ZNF592: variants seen among roughly 807,000 people sequenced by gnomAD.
ZNF592 encodes zinc finger protein 592, also known as spinocerebellar ataxia, autosomal recessive 5.
A neutral mutation model predicts 80.3 loss-of-function variants in ZNF592; 11 were observed. The ratio of observed to expected loss-of-function variants is 0.14; its 90% CI spans 0.09 to 0.23. The LOEUF is 0.23. ZNF592 is among the 10% of genes least tolerant of loss of function. ZNF592 has a pLI of 1.00. For synonymous variants in ZNF592, 646 were observed against 640.3 expected (o/e 1.01, Z -0.13); for missense variants, 1,420 against 1,633.9 (o/e 0.87, Z 2.26).
chr15:84,801,836 C>T (rs1963103340), intron 10 of ZNF592, 27 bp from the exon 11 acceptor site: 2 of 1,613,892 alleles, frequency 1.2e-6, no homozygotes, highest in Non-Finnish European at 1.7e-6. Flanking sequence ...TTGGCCTGGA[C>T]TTTGCTCATG....
At chr15:84,765,978 A>G (rs1359952884) in intron 2 of ZNF592, among the ~76,000 whole-genome samples, 3 of 151,052 alleles carry the variant, frequency 2.0e-5, no homozygotes, top group African/African-American at 7.3e-5. Context: ...ACTCACTCAG[A>G]TTCGGTAGTT....
chr15:84,762,196 C>T (rs1296403270), intron 1 of ZNF592, among the ~76,000 whole-genome samples: 1 of 152,136 alleles, frequency 6.6e-6, no homozygotes, highest in East Asian at 1.9e-4. Flanking sequence ...AAATCTTACT[C>T]TTATAGGGCT....
chr15:84,801,567 A>G (rs960149279), intron 10 of ZNF592, among the ~76,000 whole-genome samples: 9 of 152,216 alleles, frequency 5.9e-5, no homozygotes, highest in African/African-American at 2.2e-4. Flanking sequence ...GTTTTTGTAT[A>G]GGCATAGGAT....
rs1239765247 is a variant in ZNF592 at position 84,798,081 on chromosome 15, G to A, written c.2576+36G>A. 6.2e-7 allele frequency: 1 copy of A among 1,610,758 alleles called. No individual in the cohort carries two copies. Among genetic ancestry groups the A allele is most frequent in the Admixed American group, 1.7e-5 (1 of 59,688 alleles). ...CTCCAGGGCCAGCAGGCCCTGTGGAGCAGAGAGGAGTAGCCTGGGTGCTGT... is the reference window on the plus strand; with the variant it reads ...CTCCAGGGCCAGCAGGCCCTGTGGAACAGAGAGGAGTAGCCTGGGTGCTGT... On this transcript the variant is annotated intron_variant, in intron 6 of 10. Coordinates refer to ENST00000560079, the MANE Select transcript of ZNF592 (RefSeq NM_014630.3). This position sits in a 1 kb window ranked among gnomAD's most constrained non-coding sequence, Gnocchi z 4.5.
chr15:84,795,182 A>C (rs1405384967), intron 5 of ZNF592, among the ~76,000 whole-genome samples: 1 of 152,058 alleles, frequency 6.6e-6, no homozygotes, highest in African/African-American at 2.4e-5. Flanking sequence ...AATTTGGAGA[A>C]TGGCTAATGA....
At chr15:84,800,058 G>T in intron 10 of ZNF592, 81 bp downstream of exon 10, 1 of 1,605,628 alleles carries the variant, frequency 6.2e-7, no homozygotes, top group Non-Finnish European at 8.5e-7. Flanking sequence ...GGCTACTGTT[G>T]TGGCCATGGA....
rs1210689596 is a variant in ZNF592, at chr15:84,783,071, A to G, written c.396A>G (p.Ser132=). 1.2e-6 allele frequency: 2 copies of G among 1,614,168 alleles called. No individual in the cohort carries two copies. Among genetic ancestry groups the G allele is most frequent in the South Asian group, 2.2e-5 (2 of 91,076 alleles). Residue 132 remains serine, a synonymous_variant, in exon 4 of 11, where the codon TCA becomes TCG. Transcript: ENST00000560079. The surrounding 1 kb of genome is among the most constrained non-coding windows in gnomAD (Gnocchi z 5.0). ...CTGGCAAACTGGAGCCTCCCAAGTC[A>G]GAGCCATTACCCACCTTCAACCAGT... ...SFPGKLEPPK[S]EPLPTFNQFS...
At chr15:84,787,660 T>C (rs764263957) in intron 4 of ZNF592, among the ~76,000 whole-genome samples, 1 of 152,230 alleles carries the variant, frequency 6.6e-6, no homozygotes, top group Non-Finnish European at 1.5e-5. Context: ...CAAGCCACGC[T>C]GTTGGGGCAG....
chr15:84,749,520 G>A (rs1034192966), intron 1 of ZNF592, among the ~76,000 whole-genome samples: 9 of 152,228 alleles, frequency 5.9e-5, no homozygotes, highest in Non-Finnish European at 4.4e-5. Flanking sequence ...ATTGGAATAA[G>A]TCCACAGGCC....
At chr15:84,764,370 A>G (rs967800560) in intron 1 of ZNF592, among the ~76,000 whole-genome samples, 3 of 152,312 alleles carry the variant, frequency 2.0e-5, no homozygotes, top group Non-Finnish European at 2.9e-5. Flanking sequence ...TTTGATCCCT[A>G]TAATAGCCCA....
chr15:84,772,719 A>G (rs1036340966), intron 2 of ZNF592, among the ~76,000 whole-genome samples: 2 of 152,174 alleles, frequency 1.3e-5, no homozygotes, highest in Non-Finnish European at 2.9e-5. Flanking sequence ...ACAACGAACA[A>G]TGGCAAATTC....
intron 5 of ZNF592, 91 bp from the exon 6 acceptor site, chr15:84,797,778 C>G: frequency 6.9e-7 from 1 of 1,451,372 alleles, no homozygotes; most frequent in Non-Finnish European, 9.7e-7. Flanking sequence ...TAGTTCTGTT[C>G]CTCTTCTCCA....
At chr15:84,766,770 G>A (rs1301270470) in intron 2 of ZNF592, among the ~76,000 whole-genome samples, 1 of 150,366 alleles carries the variant, frequency 6.7e-6, no homozygotes. Flanking sequence ...CAGAACACTT[G>A]GGAGAGAAAC....
chr15:84,758,120 C>T (rs1323133255), intron 1 of ZNF592, among the ~76,000 whole-genome samples: 1 of 150,618 alleles, frequency 6.6e-6, no homozygotes, highest in Non-Finnish European at 1.5e-5. Context: ...CTACAGGCGC[C>T]TGCCACCACA....
chr15:84,790,797 G>T lies in ZNF592; in HGVS notation c.2313G>T (p.Pro771=). 6.2e-7 allele frequency: 1 copy of T among 1,614,178 alleles called. No individual in the cohort carries two copies. The highest frequency in any genetic ancestry group is 1.1e-5 in the South Asian group (1 of 91,084). Residue 771 remains proline, a synonymous_variant, in exon 5 of 11, where the codon CCG becomes CCT. Transcript: ENST00000560079. ...CACACAAGTCCCCCTACTGCTGCCCGGAGTGTGGGGTCCTCTGCCGCTCTG... is the reference window on the plus strand; with the variant it reads ...CACACAAGTCCCCCTACTGCTGCCCTGAGTGTGGGGTCCTCTGCCGCTCTG... The part of the protein sequence containing the change: ...IHAHKSPYCC[P]ECGVLCRSAY...
In ZNF592 at chr15:84,784,066, G is replaced by T. The variant is rs772521698; in HGVS notation, c.1391G>T (p.Ser464Ile). 3.1e-6 allele frequency: 5 copies of T among 1,613,842 alleles called. No homozygotes were observed. Among genetic ancestry groups the T allele is most frequent in the South Asian group, 1.1e-5 (1 of 91,080 alleles). ...KASDSSSPSC[S>I]SGPRVPKGAA... is the part of the protein sequence containing the mutation. ...AGTGACTCGTCATCTCCCAGCTGCA[G>T]TTCTGGGCCCCGGGTCCCAAAGGGG... Residue 464 changes from serine to isoleucine, a missense_variant, in exon 4 of 11, where the codon AGT (serine) becomes ATT (isoleucine). Physicochemically the swap from Ser to Ile is moderately radical, Grantham distance 142. This residue lies in a region of ZNF592 where 524 missense variants were observed against 628.3 expected (regional missense o/e 0.83). Transcript: ENST00000560079. This position sits in a 1 kb window ranked among gnomAD's most constrained non-coding sequence, Gnocchi z 5.8.
chr15:84,761,355 G>A (rs1290861578), intron 1 of ZNF592, among the ~76,000 whole-genome samples: 1 of 152,186 alleles, frequency 6.6e-6, no homozygotes, highest in East Asian at 1.9e-4. Context: ...GACCAAGTAG[G>A]GAAAGACCAG....
At chr15:84,786,002 C>A (rs1962577226) in intron 4 of ZNF592, among the ~76,000 whole-genome samples, 1 of 152,198 alleles carries the variant, frequency 6.6e-6, no homozygotes, top group Non-Finnish European at 1.5e-5. Context: ...ACCCACCCCT[C>A]ATGGTGCTTC....
In ZNF592 at chr15:84,805,701, C is replaced by G. The variant is rs1019591176; in HGVS notation, c.*3308C>G. On this transcript the variant is annotated 3_prime_UTR_variant, in exon 11 of 11. Transcript: ENST00000560079. ...TGGGGAACCTCTGTCCTGTTCACCA[C>G]TGTATATTCAGCACCAGGCAGTTTC... 11 of 152,544 alleles carry G rather than the reference C, an allele frequency of 7.2e-5. No homozygotes were observed. The highest frequency in any genetic ancestry group is 2.7e-4 in the African/African-American group (11 of 41,424). 9.4% of individuals were successfully genotyped at this position (152,544 alleles called of 1,614,324 possible).
Sources: allele counts gnomAD v4.1 joint callset (sites outside exome capture counted in the v4.1 genomes callset), GRCh38; gene constraint gnomAD v4.1.1; regional missense constraint gnomAD v4.1.1; non-coding constraint Gnocchi (gnomAD v3.1); transcripts MANE v1.5; gene names NCBI Gene and HGNC (gene_info 2026-07-23, HGNC 2026-07-21).